The following HIBADH variants were observed in gnomAD, a reference collection of about 807,000 sequenced individuals.
HIBADH encodes the protein 3-hydroxyisobutyrate dehydrogenase, mitochondrial.
A neutral mutation model predicts 36.1 loss-of-function variants in HIBADH; 25 were observed. That is an observed-to-expected ratio of 0.69 (90% confidence interval 0.50 to 0.97). The LOEUF (loss-of-function observed/expected upper bound fraction) is 0.97. HIBADH is among the 50% of genes least tolerant of loss of function. HIBADH has a pLI of 0.00. For missense variants in HIBADH, 421 were observed against 418.0 expected, an observed-to-expected ratio of 1.01 and a Z score of -0.06; for synonymous variants, 160 against 149.5, an observed-to-expected ratio of 1.07 and a Z score of -0.51.
chr7:27,622,690 A>C (rs1446542843), intron 4 of HIBADH, among the ~76,000 whole-genome samples: 1 of 152,144 alleles, frequency 6.6e-6, no homozygotes, highest in East Asian at 1.9e-4. Flanking sequence ...GGAAATGAAA[A>C]ATTTCTAGAA....
rs1236515433 is a variant in HIBADH at position 27,662,750 on chromosome 7, A to G, written c.39T>C (p.Gly13=). 2.8e-6 allele frequency: 4 copies of G among 1,433,836 alleles called. No homozygotes were observed. Among genetic ancestry groups the G allele is most frequent in the Non-Finnish European group, 3.7e-6 (4 of 1,090,224 alleles). The allele number at this position is 1,433,836 out of a possible 1,614,324, so 88.8% of individuals were successfully genotyped here. ...GCAGCCGCCGGCTCCAGTACCGGAG[A>G]CCGGAGGCAGCTCCGAGGAGCCGTA... ...ASLRLLGAAS[G]LRYWSRRLRP... Residue 13 remains glycine, a synonymous_variant, in exon 1 of 8, where the codon GGT becomes GGC. Transcript: ENST00000265395.
chr7:27,653,390 G>C (rs1583622492), intron 1 of HIBADH, among the ~76,000 whole-genome samples: 1 of 152,266 alleles, frequency 6.6e-6, no homozygotes, highest in Admixed American at 6.5e-5. Context: ...GTTTTACCCA[G>C]GGTAACTATG....
chr7:27,563,233 G>A (rs1280847617), intron 4 of HIBADH, among the ~76,000 whole-genome samples: 1 of 152,164 alleles, frequency 6.6e-6, no homozygotes, highest in African/African-American at 2.4e-5. Flanking sequence ...GTGGGTATCA[G>A]CAGCATATCC....
intron 2 of HIBADH, among the ~76,000 whole-genome samples, chr7:27,642,349 C>T (rs576105021): frequency 6.6e-6 from 1 of 152,232 alleles, no homozygotes; most frequent in East Asian, 1.9e-4. Context: ...CAAAAATTGC[C>T]TTAGCACTTA....
chr7:27,651,096 C>T (rs1786183427), intron 1 of HIBADH, among the ~76,000 whole-genome samples: 1 of 152,168 alleles, frequency 6.6e-6, no homozygotes, highest in Admixed American at 6.5e-5. Flanking sequence ...TGTAGTGCAA[C>T]AACTAATCAC....
intron 4 of HIBADH, among the ~76,000 whole-genome samples, chr7:27,547,575 T>C (rs1322396260): frequency 1.3e-5 from 2 of 152,126 alleles, no homozygotes; most frequent in African/African-American, 4.8e-5. Context: ...AGACAACGAC[T>C]GTAATACCAT....
Position 27,640,781 on chromosome 7 carries a change from T to C in HIBADH, c.253-8336A>G, listed in dbSNP as rs1785946663. On this transcript the variant is annotated intron_variant, in intron 2 of 7. Coordinates refer to ENST00000265395, the MANE Select transcript of HIBADH (RefSeq NM_152740.4). The stretch of plus-strand genomic sequence containing the variant: ...GTATTTCTTCTAGGCTACAAACCTG[T>C]ACAGCAACGTTAATGTACTGAATAC... 2.0e-5 allele frequency among the ~76,000 whole-genome samples: 3 copies of C among 152,186 alleles called. 1 individual carries two copies. The South Asian group carries it at 6.2e-4, about 32-fold the overall frequency.
intron 2 of HIBADH, among the ~76,000 whole-genome samples, chr7:27,640,246 T>G (rs1785936881): frequency 6.6e-6 from 1 of 152,166 alleles, no homozygotes; most frequent in South Asian, 2.1e-4. Context: ...AAAACCCACC[T>G]GGGGCCAGGT....
At chr7:27,533,767 G>GTATC (rs2128183248) in intron 6 of HIBADH, among the ~76,000 whole-genome samples, 1 of 152,264 alleles carries the variant, frequency 6.6e-6, no homozygotes, top group South Asian at 2.1e-4. Flanking sequence ...TCCAAGACAG[G>GTATC]TATCTGAAAG....
chr7:27,561,756 T>C (rs1784471773), intron 4 of HIBADH, among the ~76,000 whole-genome samples: 1 of 152,146 alleles, frequency 6.6e-6, no homozygotes, highest in African/African-American at 2.4e-5. Context: ...GGTTCTACAA[T>C]TTTTTGCTTT....
chr7:27,538,448 C>T, intron 5 of HIBADH, 31 bp from the exon 6 acceptor site: 1 of 1,584,386 alleles, frequency 6.3e-7, no homozygotes, highest in Non-Finnish European at 8.7e-7. Flanking sequence ...TATTAAATAT[C>T]TGTATTTTCA....
At chr7:27,590,363 T>G (rs113272392) in intron 4 of HIBADH, among the ~76,000 whole-genome samples, 3 of 152,342 alleles carry the variant, frequency 2.0e-5, no homozygotes, top group African/African-American at 7.2e-5. Context: ...CTATACCTAA[T>G]GCACTTCTAT....
chr7:27,608,339 A>G (rs1039507080), intron 4 of HIBADH, among the ~76,000 whole-genome samples: 3 of 152,226 alleles, frequency 2.0e-5, no homozygotes, highest in Admixed American at 6.5e-5. Flanking sequence ...TTGGACCTGA[A>G]GGAAAGATGA....
intron 1 of HIBADH, among the ~76,000 whole-genome samples, chr7:27,650,560 T>G (rs1288580081): frequency 6.6e-6 from 1 of 151,352 alleles, no homozygotes; most frequent in Non-Finnish European, 1.5e-5. Context: ...TAATGCAATC[T>G]CGGCTCACTG....
chr7:27,635,550 T>G (rs923129111), intron 2 of HIBADH, among the ~76,000 whole-genome samples: 1 of 152,166 alleles, frequency 6.6e-6, no homozygotes, highest in African/African-American at 2.4e-5. Flanking sequence ...AGGGTTCCTA[T>G]CTCCAAAGTA....
In HIBADH at chr7:27,561,174, A is replaced by C. The variant is rs576848013; in HGVS notation, c.485-18074T>G. 2.0e-5 allele frequency among the ~76,000 whole-genome samples: 3 copies of C among 152,178 alleles called. No individual in the cohort carries two copies. The South Asian group carries it at 6.2e-4, about 32-fold the overall frequency. On this transcript the variant is annotated intron_variant, in intron 4 of 7. Coordinates refer to ENST00000265395, the MANE Select transcript of HIBADH (RefSeq NM_152740.4). Reference sequence around the variant, plus strand: ...GGGTTATTCACTTCTTGTTGAGTTCATTTTAGTTTTCACTGTGTACTTTAT... The same window carrying C: ...GGGTTATTCACTTCTTGTTGAGTTCCTTTTAGTTTTCACTGTGTACTTTAT...
At chr7:27,528,426 T>A (rs1282569481) in intron 7 of HIBADH, among the ~76,000 whole-genome samples, 2 of 152,148 alleles carry the variant, frequency 1.3e-5, no homozygotes, top group Admixed American at 6.5e-5. Flanking sequence ...AAGAAAAAAT[T>A]CTTGAAGAAA....
intron 4 of HIBADH, among the ~76,000 whole-genome samples, chr7:27,580,673 A>G (rs1015772682): frequency 6.6e-6 from 1 of 152,174 alleles, no homozygotes; most frequent in Non-Finnish European, 1.5e-5. Flanking sequence ...TAAACACAAG[A>G]CTGAGTGCCT....
Position 27,594,141 on chromosome 7 carries a change from T to TTTG in HIBADH, c.484+35227_484+35229dup, listed in dbSNP as rs200595540. ...GTTTAGGTTGTTACATAAAGATGTT[T>TTTG]TTGTTTTTTTGTTTTTTTTCTGAAA... On this transcript the variant is annotated intron_variant, in intron 4 of 7. Transcript: ENST00000265395. Among the ~76,000 whole-genome samples the TTTG allele has an allele frequency of 2.0e-3, 111 of 56,062 alleles. 9 individuals are homozygous for TTTG. Among genetic ancestry groups the TTTG allele is most frequent in the East Asian group, 0.011 (6 of 530 alleles). The allele number at this position is 56,062 out of a possible 152,430, so 36.8% of individuals were successfully genotyped here.
Sources: allele counts gnomAD v4.1 joint callset (sites outside exome capture counted in the v4.1 genomes callset), GRCh38; gene constraint gnomAD v4.1.1; transcripts MANE v1.5; gene names NCBI Gene and HGNC (gene_info 2026-07-23, HGNC 2026-07-21).